The following SPTLC1 variants were observed in gnomAD, a reference collection of about 807,000 sequenced individuals.
SPTLC1 encodes the protein serine palmitoyltransferase 1.
Under a neutral mutation model 68.9 loss-of-function variants are expected in SPTLC1, and 55 were observed. The ratio of observed to expected loss-of-function variants is 0.80; its 90% CI spans 0.64 to 1.00. The LOEUF (loss-of-function observed/expected upper bound fraction) is 1.00, where lower values mean the gene tolerates loss of function less well. Ranked by LOEUF, SPTLC1 falls within the 50% of genes least tolerant of loss-of-function variation. The probability of loss-of-function intolerance (pLI) is 0.00; values close to 1 mark genes in which losing one functional copy is unlikely to be tolerated. For synonymous variants in SPTLC1, 197 were observed against 201.6 expected (o/e 0.98, Z 0.19); for missense variants, 449 against 573.1 (o/e 0.78, Z 2.21).
At chr9:92,115,023 C>T in intron 1 of SPTLC1, 1 of 520,076 alleles carries the variant, frequency 1.9e-6, no homozygotes, top group East Asian at 3.4e-5. Context: ...CTGGTTTTTG[C>T]AGACCTGTCT....
chr9:92,049,706 C>T (rs1296922720), intron 9 of SPTLC1, among the ~76,000 whole-genome samples: 8 of 152,230 alleles, frequency 5.3e-5, no homozygotes, highest in Admixed American at 2.0e-4. Context: ...AAAGTCTATT[C>T]GAATGAAACT....
intron 13 of SPTLC1, 141 bp downstream of exon 13, chr9:92,038,107 G>A: frequency 1.3e-6 from 1 of 751,612 alleles, no homozygotes; most frequent in Non-Finnish European, 2.4e-6. Context: ...TCCATGTCAA[G>A]AGCGGGTCAC....
chr9:92,047,320 A>T, intron 10 of SPTLC1, 52 bp from the exon 11 acceptor site: 1 of 1,491,370 alleles, frequency 6.7e-7, no homozygotes, highest in Non-Finnish European at 9.4e-7. Context: ...TTTCTAGGTA[A>T]ACATTTGAAA....
chr9:92,050,515 A>G (rs1439032134), intron 8 of SPTLC1: 1 of 182,478 alleles, frequency 5.5e-6, no homozygotes, highest in Non-Finnish European at 1.2e-5. Flanking sequence ...TTTGTGTGTT[A>G]GAGAAGCTTT....
chr9:92,075,875 T>C (rs1048170660), intron 5 of SPTLC1, among the ~76,000 whole-genome samples: 2 of 152,144 alleles, frequency 1.3e-5, no homozygotes, highest in Admixed American at 6.5e-5. Flanking sequence ...TCCACACAAC[T>C]GTATTTCCTT....
chr9:92,080,533 CTA>C (rs1170876903), intron 4 of SPTLC1, among the ~76,000 whole-genome samples: 1 of 152,184 alleles, frequency 6.6e-6, no homozygotes, highest in Non-Finnish European at 1.5e-5. Flanking sequence ...CTTTCCAATA[CTA>C]TGATTTTTTT....
intron 3 of SPTLC1, chr9:92,104,282 G>A (rs1375466883): frequency 5.9e-6 from 8 of 1,358,738 alleles, no homozygotes; most frequent in East Asian, 2.8e-5. Context: ...CGTCTTGTCC[G>A]TGAGGCCTTC....
intron 5 of SPTLC1, among the ~76,000 whole-genome samples, chr9:92,077,405 G>A (rs1834719311): frequency 6.6e-6 from 1 of 152,040 alleles, no homozygotes. Flanking sequence ...GAACCTCGGT[G>A]GACAGGACCT....
chr9:92,041,615 T>C (rs1298594509), intron 12 of SPTLC1, among the ~76,000 whole-genome samples: 2 of 152,138 alleles, frequency 1.3e-5, no homozygotes, highest in African/African-American at 4.8e-5. Flanking sequence ...GAGTGGAAAA[T>C]AGCCAAATCA....
At chr9:92,078,313 T>A (rs1375170725) in intron 5 of SPTLC1, among the ~76,000 whole-genome samples, 1 of 152,214 alleles carries the variant, frequency 6.6e-6, no homozygotes, top group Non-Finnish European at 1.5e-5. Context: ...AGTTTTCTAA[T>A]ACCTGCCAAG....
chr9:92,103,917 C>A (rs1420854422), intron 3 of SPTLC1, among the ~76,000 whole-genome samples: 1 of 152,194 alleles, frequency 6.6e-6, no homozygotes, highest in Non-Finnish European at 1.5e-5. Context: ...CACAGGGGGG[C>A]CCATCCAGGG....
chr9:92,045,919 C>G, intron 12 of SPTLC1, 80 bp downstream of exon 12: 1 of 1,364,424 alleles, frequency 7.3e-7, no homozygotes, highest in South Asian at 1.2e-5. Context: ...TGACCCAAGC[C>G]TAGAAATTTA....
chr9:92,088,046 G>C (rs951196895), intron 3 of SPTLC1, among the ~76,000 whole-genome samples: 2 of 152,240 alleles, frequency 1.3e-5, no homozygotes, highest in Non-Finnish European at 1.5e-5. Context: ...AGGACCCTCC[G>C]AGCCAGGTGA....
rs771930435 is a variant in SPTLC1, at chr9:92,059,271, G to T, written c.598C>A (p.Gln200Lys). The change falls in exon 7 of 15, where the codon CAG becomes AAG. Residue 200 changes from glutamine to lysine, a missense_variant. Around this residue, in one of 3 missense-constraint regions of SPTLC1, gnomAD observed 391 missense variants for 472.1 expected, o/e 0.83. Transcript: ENST00000262554. ...AACFAIQKGLQASRSDIKLFK... is the reference protein window; with the variant it reads ...AACFAIQKGLKASRSDIKLFK... ...AACTTAATGTCACTACGGGATGCCT[G>T]TAATCCTTTCTGAATAGCAAAGCAG... The T allele has an allele frequency of 6.2e-7, 1 of 1,614,052 alleles. No homozygotes were observed. The highest frequency in any genetic ancestry group is 1.6e-4 in the Middle Eastern group (1 of 6,062).
chr9:92,055,450 T>G lies in SPTLC1; in HGVS notation c.735A>C (p.Glu245Asp). Residue 245 changes from glutamate (E) to aspartate (D), a missense_variant, in exon 8 of 15, where the codon GAA becomes GAC. Glu to Asp is a conservative substitution (Grantham distance 45). Coordinates refer to ENST00000262554, the MANE Select transcript of SPTLC1 (RefSeq NM_006415.4). ...ARVTRRFIVV[E>D]GLYMNTGTIC... ...TAGTTCCAGTATTCATATACAATCC[T>G]TCTACTACAATGAAACGCCGAGTTA... 6.2e-7 allele frequency: 1 copy of G among 1,613,800 alleles called. No homozygotes were observed. Among genetic ancestry groups the G allele is most frequent in the East Asian group, 2.2e-5 (1 of 44,876 alleles).
At chr9:92,047,411 T>C (rs1250367556) in intron 10 of SPTLC1, 143 bp from the exon 11 acceptor site, 2 of 780,292 alleles carry the variant, frequency 2.6e-6, no homozygotes, top group Non-Finnish European at 4.4e-6. Flanking sequence ...ATAAACATTA[T>C]ACGTGTAACA....
chr9:92,079,022 T>G (rs953055098), intron 5 of SPTLC1: 1 of 962,470 alleles, frequency 1.0e-6, no homozygotes, highest in Non-Finnish European at 1.2e-6. Context: ...CCCCACACTG[T>G]GTCATTTTAT....
rs897622145 is a variant in SPTLC1 at position 92,032,156 on chromosome 9, G to T, written c.*309C>A. Reference sequence around the variant, plus strand: ...GCTCCAGTTTTAAACGACAACAAAAGAATATAAAATACTAGTATAAGAAAA... The same window carrying T: ...GCTCCAGTTTTAAACGACAACAAAATAATATAAAATACTAGTATAAGAAAA... On this transcript the variant is annotated 3_prime_UTR_variant, in exon 15 of 15. Coordinates refer to ENST00000262554, the MANE Select transcript of SPTLC1 (RefSeq NM_006415.4). 3 of 918,554 alleles carry T rather than the reference G, an allele frequency of 3.3e-6. No individual in the cohort carries two copies. The highest frequency in any genetic ancestry group is 3.3e-5 in the African/African-American group (2 of 59,766). The allele number at this position is 918,554 out of a possible 1,614,324, so 56.9% of individuals were successfully genotyped here.
chr9:92,075,220 TAGGTGTGCACTTCCAGC>T (rs1263350470), intron 5 of SPTLC1, among the ~76,000 whole-genome samples: 8 of 152,228 alleles, frequency 5.3e-5, no homozygotes, highest in African/African-American at 1.9e-4. Context: ...TCCACCAACA[TAGGTGTGCACTTCCAGC>T]AGACCGTATT....
Sources: allele counts gnomAD v4.1 joint callset (sites outside exome capture counted in the v4.1 genomes callset), GRCh38; gene constraint gnomAD v4.1.1; regional missense constraint gnomAD v4.1.1; transcripts MANE v1.5; gene names NCBI Gene and HGNC (gene_info 2026-07-23, HGNC 2026-07-21).